The following BRINP3 variants were observed in gnomAD, a reference collection of about 807,000 sequenced individuals.
BRINP3 encodes the protein BMP/retinoic acid inducible neural specific 3, also known as BMP/retinoic acid-inducible neural-specific protein 3.
In BRINP3, 19 loss-of-function variants were observed where a neutral mutation model predicts 71.0. That is an observed-to-expected ratio of 0.27 (90% CI 0.19 to 0.39). The LOEUF is 0.39. Among genes scored for constraint, BRINP3 ranks in the 10% least tolerant of loss-of-function variants. BRINP3 has a pLI of 1.00. For missense variants in BRINP3, 959 were observed against 940.8 expected (o/e 1.02, Z -0.25); for synonymous variants, 380 against 337.7 (o/e 1.13, Z -1.37).
intron 6 of BRINP3, among the ~76,000 whole-genome samples, chr1:190,182,260 T>C (rs76193221): frequency 6.8e-4 from 103 of 152,210 alleles, no homozygotes; most frequent in East Asian, 6.6e-3. Flanking sequence ...TGCTATTGTG[T>C]CTTTGACTAA....
chr1:190,222,334 TAAG>T (rs1299803832), intron 6 of BRINP3, among the ~76,000 whole-genome samples: 3 of 150,132 alleles, frequency 2.0e-5, no homozygotes, highest in Non-Finnish European at 3.0e-5. Flanking sequence ...ATTAAAAAAA[TAAG>T]AAGGCAATTA....
At chr1:190,268,883 G>A (rs1167193308) in intron 3 of BRINP3, among the ~76,000 whole-genome samples, 2 of 152,068 alleles carry the variant, frequency 1.3e-5, no homozygotes, top group Non-Finnish European at 2.9e-5. Flanking sequence ...CTTATTAAAT[G>A]ACATGATCGA....
At chr1:190,384,874 A>G (rs1447265900) in intron 2 of BRINP3, among the ~76,000 whole-genome samples, 1 of 152,006 alleles carries the variant, frequency 6.6e-6, no homozygotes, top group Non-Finnish European at 1.5e-5. Context: ...ATGATAGAAT[A>G]TTGATAAAAA....
chr1:190,367,318 C>T (rs866772398), intron 2 of BRINP3, among the ~76,000 whole-genome samples: 2 of 152,104 alleles, frequency 1.3e-5, no homozygotes, highest in Non-Finnish European at 2.9e-5. Flanking sequence ...GTACCTTGAC[C>T]CCTTGTAGCC....
At chr1:190,240,193 T>A (rs1323026067) in intron 4 of BRINP3, among the ~76,000 whole-genome samples, 1 of 151,788 alleles carries the variant, frequency 6.6e-6, no homozygotes, top group African/African-American at 2.4e-5. Flanking sequence ...TTTTTTCTTG[T>A]AAGTTCACAT....
chr1:190,357,675 C>A lies in BRINP3; in HGVS notation c.237-75925G>T, dbSNP rs527345721. The stretch of plus-strand genomic sequence containing the variant: ...GGGATCCTTTATGGTTCCATATGAA[C>A]TTTAAAGTAGTTTTTTCCAATTCTG... On this transcript the variant is annotated intron_variant, in intron 2 of 7. Transcript: ENST00000367462. 1.3e-3 allele frequency among the ~76,000 whole-genome samples: 202 copies of A among 151,996 alleles called. 1 individual carries two copies. The highest frequency in any genetic ancestry group is 4.5e-3 in the African/African-American group (186 of 41,408).
intron 5 of BRINP3, among the ~76,000 whole-genome samples, chr1:190,227,112 CTAAA>C (rs897394539): frequency 1.3e-5 from 2 of 151,676 alleles, no homozygotes; most frequent in African/African-American, 4.8e-5. Flanking sequence ...TACTTAAATA[CTAAA>C]TATTTAAACA....
chr1:190,097,774 T>G lies in BRINP3; in HGVS notation c.*244A>C, dbSNP rs1166906584. On this transcript the variant is annotated 3_prime_UTR_variant, in exon 8 of 8. Coordinates refer to ENST00000367462, the MANE Select transcript of BRINP3 (RefSeq NM_199051.3). ...AACATATAAAATTACAAATGAAATT[T>G]ATTGTAAAAAGTAGAATGTCTTCTA... 2 of 399,578 alleles carry G rather than the reference T, an allele frequency of 5.0e-6. No homozygotes were observed. Among genetic ancestry groups the G allele is most frequent in the African/African-American group, 4.1e-5 (2 of 48,944 alleles). The allele number at this position is 399,578 out of a possible 1,614,324, so 24.8% of individuals were successfully genotyped here.
chr1:190,264,148 ATTG>A (rs1661441411), intron 4 of BRINP3, among the ~76,000 whole-genome samples: 3 of 152,142 alleles, frequency 2.0e-5, no homozygotes, highest in Admixed American at 1.3e-4. Flanking sequence ...TCTAAAACTT[ATTG>A]TTTAGGAGAC....
chr1:190,134,109 C>T (rs146014879), intron 7 of BRINP3, among the ~76,000 whole-genome samples: 1 of 151,514 alleles, frequency 6.6e-6, no homozygotes, highest in Non-Finnish European at 1.5e-5. Context: ...TTTAAGAAAG[C>T]GTTAAGTGCT....
At chr1:190,142,840 A>T (rs1655571110) in intron 7 of BRINP3, among the ~76,000 whole-genome samples, 1 of 152,054 alleles carries the variant, frequency 6.6e-6, no homozygotes, top group African/African-American at 2.4e-5. Context: ...GAAAAAAAAA[A>T]AGTTGGCCTT....
chr1:190,161,781 A>T (rs1571876877), intron 6 of BRINP3, among the ~76,000 whole-genome samples: 1 of 152,208 alleles, frequency 6.6e-6, no homozygotes, highest in East Asian at 1.9e-4. Flanking sequence ...TATTATATAC[A>T]TACAATAGAA....
intron 2 of BRINP3, among the ~76,000 whole-genome samples, chr1:190,416,686 C>CGTGAA (rs761429446): frequency 6.6e-6 from 1 of 151,996 alleles, no homozygotes; most frequent in Non-Finnish European, 1.5e-5. Context: ...CCCTAGTCAC[C>CGTGAA]GTGAAGTGCC....
intron 7 of BRINP3, among the ~76,000 whole-genome samples, chr1:190,110,849 T>C (rs1425782474): frequency 6.6e-6 from 1 of 152,172 alleles, no homozygotes; most frequent in African/African-American, 2.4e-5. Flanking sequence ...ATTATTATTA[T>C]GTAAACACTT....
At chr1:190,467,976 A>G (rs1332148500) in intron 1 of BRINP3, among the ~76,000 whole-genome samples, 2 of 151,498 alleles carry the variant, frequency 1.3e-5, no homozygotes, top group Non-Finnish European at 3.0e-5. Context: ...CATGTCATGC[A>G]CAAACTAAGT....
intron 2 of BRINP3, among the ~76,000 whole-genome samples, chr1:190,362,769 G>A (rs893076848): frequency 2.0e-5 from 3 of 152,112 alleles, no homozygotes; most frequent in Non-Finnish European, 4.4e-5. Context: ...TGTCTTGTCT[G>A]CTGCCATGTA....
At chr1:190,170,981 G>GTGTGATGCCTGCTA (rs1651959196) in intron 6 of BRINP3, among the ~76,000 whole-genome samples, 1 of 152,112 alleles carries the variant, frequency 6.6e-6, no homozygotes, top group South Asian at 2.1e-4. Flanking sequence ...ATTTTTCCAA[G>GTGTGATGCCTGCTA]TGTGATGCCT....
chr1:190,311,102 T>G (rs1267080220), intron 2 of BRINP3, among the ~76,000 whole-genome samples: 1 of 151,674 alleles, frequency 6.6e-6, no homozygotes, highest in African/African-American at 2.4e-5. Context: ...TGACTCTGGG[T>G]TGGAGTCAGA....
At chr1:190,111,182 TAAAAAAAA>T (rs750953190) in intron 7 of BRINP3, among the ~76,000 whole-genome samples, 5 of 61,812 alleles carry the variant, frequency 8.1e-5, no homozygotes, top group Admixed American at 7.1e-4. Flanking sequence ...AAGACTCCAT[TAAAAAAAA>T]AAAAAAAAAA....
Sources: gnomAD v4.1 joint callset for allele counts (sites outside exome capture counted in the v4.1 genomes callset) on GRCh38, gnomAD v4.1.1 for gene constraint, MANE v1.5 for transcripts, NCBI Gene and HGNC (gene_info 2026-07-23, HGNC 2026-07-21) for gene names.